RAD51B: variants seen among roughly 807,000 people sequenced by gnomAD.
The protein encoded by RAD51B is RAD51 paralog B.
Under a neutral mutation model 42.2 loss-of-function variants are expected in RAD51B, and 38 were observed. The observed-to-expected ratio is 0.90, with a 90% CI of 0.70 to 1.18. RAD51B has a LOEUF of 1.18. Ranked by LOEUF, RAD51B falls within the 50% of genes most tolerant of loss-of-function variation. The probability of loss-of-function intolerance (pLI) is 0.00; values close to 1 mark genes in which losing one functional copy is unlikely to be tolerated. For missense variants in RAD51B, 373 were observed against 400.7 expected (o/e 0.93, Z 0.59); for synonymous variants, 154 against 145.2 (o/e 1.06, Z -0.43).
At chr14:68,500,712 G>T in intron 10 of RAD51B, among the ~76,000 whole-genome samples, 1 of 152,164 alleles carries the variant, frequency 6.6e-6, no homozygotes, top group East Asian at 1.9e-4. Flanking sequence ...TCAGCTCCAG[G>T]GCTCTAAGGT....
At chr14:68,661,385 C>A (rs1215081241) in intron 11 of RAD51B, among the ~76,000 whole-genome samples, 3 of 152,166 alleles carry the variant, frequency 2.0e-5, no homozygotes, top group Non-Finnish European at 2.9e-5. Flanking sequence ...ATCCCTGGTG[C>A]CTGCCAGGGG....
At position 68,287,417 on chromosome 14, in the gene RAD51B, T is replaced by C. The variant is rs541413295; in HGVS notation, c.757-4467T>C. 2.0e-5 allele frequency among the ~76,000 whole-genome samples: 3 copies of C among 152,350 alleles called. No individual in the cohort carries two copies. The South Asian group carries it at 6.2e-4, about 32-fold the overall frequency. ...AGACAGAAGTTACTTTATACAAATATAGGGTTTCTTGTTCCTTCTAATAGG... is the reference window on the plus strand; with the variant it reads ...AGACAGAAGTTACTTTATACAAATACAGGGTTTCTTGTTCCTTCTAATAGG... On this transcript the variant is annotated intron_variant, in intron 7 of 10. Transcript: ENST00000471583.
chr14:68,432,039 G>C (rs1411711805), intron 9 of RAD51B, among the ~76,000 whole-genome samples: 1 of 152,190 alleles, frequency 6.6e-6, no homozygotes, highest in Non-Finnish European at 1.5e-5. Flanking sequence ...AGGTTGTTCA[G>C]TTTCCATGTA....
intron 8 of RAD51B, among the ~76,000 whole-genome samples, chr14:68,394,845 G>C (rs755592232): frequency 6.6e-6 from 1 of 152,184 alleles, no homozygotes; most frequent in African/African-American, 2.4e-5. Context: ...GAAGCCGCAC[G>C]TCTCCGATGC....
At chr14:68,035,066 C>A (rs892319449) in intron 7 of RAD51B, among the ~76,000 whole-genome samples, 2 of 152,184 alleles carry the variant, frequency 1.3e-5, no homozygotes, top group African/African-American at 2.4e-5. Flanking sequence ...CTCTTGCTAA[C>A]TTAATTTACC....
chr14:68,166,357 T>A (rs1366557768), intron 7 of RAD51B, among the ~76,000 whole-genome samples: 1 of 152,028 alleles, frequency 6.6e-6, no homozygotes, highest in Non-Finnish European at 1.5e-5. Flanking sequence ...GCATAGTAAA[T>A]CTTTGGAGTA....
chr14:68,380,118 C>T (rs1355920346), intron 8 of RAD51B, among the ~76,000 whole-genome samples: 2 of 152,192 alleles, frequency 1.3e-5, no homozygotes, highest in Non-Finnish European at 2.9e-5. Flanking sequence ...TTGCCTCTTT[C>T]TCAAAGCATC....
intron 8 of RAD51B, among the ~76,000 whole-genome samples, chr14:68,363,532 AT>A (rs1441094430): frequency 6.6e-6 from 1 of 151,900 alleles, no homozygotes; most frequent in Non-Finnish European, 1.5e-5. Flanking sequence ...GGGCCTCCTC[AT>A]TGGAGTGTGC....
At chr14:68,422,883 C>T (rs1038688298) in intron 9 of RAD51B, among the ~76,000 whole-genome samples, 1 of 152,126 alleles carries the variant, frequency 6.6e-6, no homozygotes, top group Admixed American at 6.6e-5. Context: ...CTCCCTGCCC[C>T]CAAGCTTCCC....
At chr14:68,132,525 A>C (rs1211959606) in intron 7 of RAD51B, among the ~76,000 whole-genome samples, 1 of 152,322 alleles carries the variant, frequency 6.6e-6, no homozygotes, top group African/African-American at 2.4e-5. Flanking sequence ...TATTCTTTTC[A>C]TTGCATGTGG....
intron 7 of RAD51B, among the ~76,000 whole-genome samples, chr14:68,150,708 C>T (rs1484136927): frequency 6.6e-6 from 1 of 151,912 alleles, no homozygotes; most frequent in African/African-American, 2.4e-5. Flanking sequence ...TTCCATTTAC[C>T]TCTACTATTG....
chr14:68,482,189 G>GTGTGTGTGTA (rs747363907), downstream of RAD51B, among the ~76,000 whole-genome samples: 1 of 151,844 alleles, frequency 6.6e-6, no homozygotes, highest in Non-Finnish European at 1.5e-5. Context: ...GTGTGTGTGT[G>GTGTGTGTGTA]TGTGTGTGTA....
At chr14:68,224,238 G>A (rs1011744551) in intron 7 of RAD51B, among the ~76,000 whole-genome samples, 1 of 152,142 alleles carries the variant, frequency 6.6e-6, no homozygotes, top group African/African-American at 2.4e-5. Context: ...CTGAGATTGC[G>A]CTAAAATTGC....
At chr14:68,503,905 T>G (rs1166721936) in intron 10 of RAD51B, among the ~76,000 whole-genome samples, 1 of 152,132 alleles carries the variant, frequency 6.6e-6, no homozygotes, top group East Asian at 1.9e-4. Flanking sequence ...TAACAAAGTT[T>G]ATGCAGACCC....
intron 7 of RAD51B, among the ~76,000 whole-genome samples, chr14:68,229,289 G>A (rs977331926): frequency 1.3e-5 from 2 of 152,116 alleles, no homozygotes; most frequent in Non-Finnish European, 2.9e-5. Flanking sequence ...GCCAAGAGTT[G>A]GAAAACCTGG....
chr14:68,612,013 C>T (rs543489888), downstream of RAD51B, among the ~76,000 whole-genome samples: 1 of 152,304 alleles, frequency 6.6e-6, no homozygotes, highest in African/African-American at 2.4e-5. Flanking sequence ...ATTATCATGC[C>T]AACCTGAGCT....
chr14:68,154,992 C>G (rs2078470263), intron 7 of RAD51B, among the ~76,000 whole-genome samples: 1 of 152,104 alleles, frequency 6.6e-6, no homozygotes, highest in Non-Finnish European at 1.5e-5. Flanking sequence ...ATTATCTAGT[C>G]TTCCTCCCAC....
At chr14:67,924,817 C>T (rs2044448320) in intron 7 of RAD51B, among the ~76,000 whole-genome samples, 1 of 152,222 alleles carries the variant, frequency 6.6e-6, no homozygotes, top group African/African-American at 2.4e-5. Flanking sequence ...ACCAATCATG[C>T]CTTCCCAAAA....
intron 4 of RAD51B, among the ~76,000 whole-genome samples, chr14:67,850,342 C>T (rs1340224301): frequency 6.6e-6 from 1 of 151,950 alleles, no homozygotes; most frequent in East Asian, 1.9e-4. Flanking sequence ...GTTTTCTTTC[C>T]CTTTCTTTTC....
Sources: gnomAD v4.1 joint callset for allele counts (sites outside exome capture counted in the v4.1 genomes callset) on GRCh38, gnomAD v4.1.1 for gene constraint, MANE v1.5 for transcripts, NCBI Gene and HGNC (gene_info 2026-07-23, HGNC 2026-07-21) for gene names.